The following AP3B1 variants were observed in gnomAD, a reference collection of about 807,000 sequenced individuals.
AP3B1 encodes AP-3 complex subunit beta-1.
In AP3B1, 61 loss-of-function variants were observed where a neutral mutation model predicts 132.5. The ratio of observed to expected loss-of-function variants is 0.46; its 90% CI spans 0.37 to 0.57. The LOEUF (loss-of-function observed/expected upper bound fraction) is 0.57, where lower values mean the gene tolerates loss of function less well. Ranked by LOEUF, AP3B1 falls within the 20% of genes least tolerant of loss-of-function variation. The pLI, the probability that AP3B1 is intolerant of heterozygous loss-of-function variation, is 0.00. For missense variants in AP3B1, 1,120 were observed against 1,289.4 expected (o/e 0.87, Z 2.01); for synonymous variants, 388 against 438.3 (o/e 0.89, Z 1.43).
intron 2 of AP3B1, among the ~76,000 whole-genome samples, chr5:78,250,636 A>T (rs1747591192): frequency 6.6e-6 from 1 of 152,200 alleles, no homozygotes; most frequent in African/African-American, 2.4e-5. Flanking sequence ...ATATAAAAAC[A>T]TTCCACAGTT....
chr5:78,106,457 C>CA (rs949052577), intron 20 of AP3B1, among the ~76,000 whole-genome samples: 1 of 144,652 alleles, frequency 6.9e-6, no homozygotes, highest in African/African-American at 2.5e-5. Context: ...GACTCTGTCT[C>CA]AAAAAAAAGA....
At chr5:78,119,880 C>A (rs542941774) in intron 17 of AP3B1, among the ~76,000 whole-genome samples, 14 of 152,270 alleles carry the variant, frequency 9.2e-5, no homozygotes, top group South Asian at 2.1e-4. Flanking sequence ...CTCCAAGACA[C>A]ATAATTGTCA....
At chr5:78,175,181 G>T (rs1744097118) in intron 11 of AP3B1, among the ~76,000 whole-genome samples, 3 of 152,212 alleles carry the variant, frequency 2.0e-5, no homozygotes, top group Admixed American at 6.5e-5. Context: ...CTTCCTGGGT[G>T]AGGCAACGCC....
At chr5:78,064,326 G>A (rs1749186687) in intron 22 of AP3B1, among the ~76,000 whole-genome samples, 1 of 151,986 alleles carries the variant, frequency 6.6e-6, no homozygotes, top group South Asian at 2.1e-4. Context: ...ACCCTTTCTG[G>A]AAGTTGATTT....
chr5:78,032,771 A>T (rs1426563473), intron 24 of AP3B1, among the ~76,000 whole-genome samples: 1 of 152,086 alleles, frequency 6.6e-6, no homozygotes, highest in Non-Finnish European at 1.5e-5. Flanking sequence ...ATAACAAAAC[A>T]TACTAATGTA....
In AP3B1 at chr5:78,133,412, C is replaced by G. The variant is rs552071688; in HGVS notation, c.1651-4105G>C. ...ACTTGTGTCTTAACATGCCACTAGA[C>G]AAAATTATGGCAGAAGATAGAAGAC... On this transcript the variant is annotated intron_variant, in intron 15 of 26. Coordinates refer to ENST00000255194, the MANE Select transcript of AP3B1 (RefSeq NM_003664.5). Among the ~76,000 whole-genome samples the G allele has an allele frequency of 2.0e-5, 3 of 152,258 alleles. No individual in the cohort carries two copies. In the South Asian group the frequency reaches 6.2e-4, roughly 32 times the overall value.
Position 78,294,692 on chromosome 5 carries a change from C to T in AP3B1, c.-113G>A. 2 of 1,544,970 alleles carry T rather than the reference C, an allele frequency of 1.3e-6. No individual in the cohort carries two copies. The highest frequency in any genetic ancestry group is 1.8e-6 in the Non-Finnish European group (2 of 1,131,632). Reference sequence around the variant, plus strand: ...TCTCGTACGGAGGAGCGCGCGCAGGCGCTTCCGGACTCGTCACGGCTCCCT... The same window carrying T: ...TCTCGTACGGAGGAGCGCGCGCAGGTGCTTCCGGACTCGTCACGGCTCCCT... On this transcript the variant is annotated 5_prime_UTR_variant, in exon 1 of 27. Transcript: ENST00000255194.
rs191456423 is a variant in AP3B1 at position 78,165,038 on chromosome 5, A to G, written c.1230+572T>C. ...GCTTCAGAGATGACCTTTCCATCAT[A>G]AAGGGTATCATGTCCATGAAGTAAT... On this transcript the variant is annotated intron_variant, in intron 12 of 26. Transcript: ENST00000255194. Among the ~76,000 whole-genome samples, 283 of 152,298 alleles carry G rather than the reference A, an allele frequency of 1.9e-3. 1 individual carries two copies. Among genetic ancestry groups the G allele is most frequent in the Non-Finnish European group, 3.2e-3 (215 of 67,994 alleles).
At chr5:78,113,610 T>C (rs1387967722) in intron 19 of AP3B1, 142 bp downstream of exon 19, 1 of 923,060 alleles carries the variant, frequency 1.1e-6, no homozygotes, top group Non-Finnish European at 1.6e-6. Context: ...CAACTAGCAC[T>C]TTAATTTTAA....
At position 78,181,663 on chromosome 5, in the gene AP3B1, C is replaced by T; in HGVS notation, c.787-1G>A. 1.2e-6 allele frequency: 2 copies of T among 1,611,136 alleles called. No homozygotes were observed. Among genetic ancestry groups the T allele is most frequent in the Non-Finnish European group, 1.7e-6 (2 of 1,179,226 alleles). ...TTCCATTGTCTTCTAATTCATCACC[C>T]TACAATGAAAGAAATCCAACCCAAG... On this transcript the variant is annotated splice_acceptor_variant, in intron 7 of 26. Coordinates refer to ENST00000255194, the MANE Select transcript of AP3B1 (RefSeq NM_003664.5). LOFTEE classifies it high-confidence loss of function.
At chr5:78,259,860 T>C (rs1421540398) in intron 2 of AP3B1, among the ~76,000 whole-genome samples, 1 of 151,738 alleles carries the variant, frequency 6.6e-6, no homozygotes, top group Admixed American at 6.6e-5. Flanking sequence ...ATCCCAGCTA[T>C]TCAGGAGGCT....
chr5:78,198,095 C>T (rs1745144127), intron 7 of AP3B1, among the ~76,000 whole-genome samples: 1 of 152,182 alleles, frequency 6.6e-6, no homozygotes, highest in Non-Finnish European at 1.5e-5. Flanking sequence ...TCACCTCTCA[C>T]CTTTATTACC....
intron 23 of AP3B1, among the ~76,000 whole-genome samples, chr5:78,036,564 AG>A (rs1747817756): frequency 6.6e-6 from 1 of 152,094 alleles, no homozygotes; most frequent in Admixed American, 6.5e-5. Flanking sequence ...TAGTAAAGAG[AG>A]CTTAACCTAT....
chr5:78,170,605 C>T (rs537713336), intron 11 of AP3B1, among the ~76,000 whole-genome samples: 34 of 149,230 alleles, frequency 2.3e-4, no homozygotes, highest in African/African-American at 7.5e-4. Flanking sequence ...GATGGGGTTG[C>T]TCTTTTCTTG....
At chr5:78,292,026 A>G (rs1353698491) in intron 1 of AP3B1, among the ~76,000 whole-genome samples, 1 of 152,178 alleles carries the variant, frequency 6.6e-6, no homozygotes, top group African/African-American at 2.4e-5. Context: ...CAGAGAGAGT[A>G]AGCAAGCAAT....
intron 19 of AP3B1, among the ~76,000 whole-genome samples, chr5:78,113,224 A>C (rs1751673088): frequency 6.6e-6 from 1 of 152,178 alleles, no homozygotes; most frequent in Non-Finnish European, 1.5e-5. Flanking sequence ...TATTAGACCC[A>C]ATTACTCAAA....
At chr5:78,251,120 T>A (rs187187793) in intron 2 of AP3B1, among the ~76,000 whole-genome samples, 2 of 152,318 alleles carry the variant, frequency 1.3e-5, no homozygotes, top group East Asian at 3.9e-4. Context: ...AAGGGTTCAT[T>A]AGTAACATAA....
chr5:78,094,706 A>G (rs1750699400), intron 21 of AP3B1, among the ~76,000 whole-genome samples: 1 of 151,682 alleles, frequency 6.6e-6, no homozygotes, highest in African/African-American at 2.4e-5. Context: ...TTTGTAGTGG[A>G]ATATCACTCT....
At chr5:78,137,100 CTTATG>C (rs1395611307) in intron 15 of AP3B1, among the ~76,000 whole-genome samples, 2 of 152,074 alleles carry the variant, frequency 1.3e-5, no homozygotes, top group Non-Finnish European at 2.9e-5. Flanking sequence ...CCTGGTTCTT[CTTATG>C]TTGAGTAATT....
Sources: allele counts gnomAD v4.1 joint callset (sites outside exome capture counted in the v4.1 genomes callset), GRCh38; gene constraint gnomAD v4.1.1; transcripts MANE v1.5; gene names NCBI Gene and HGNC (gene_info 2026-07-23, HGNC 2026-07-21).